Variants in C12orf75 observed in about 807,000 individuals in gnomAD.
C12orf75 encodes the protein overexpressed in colon carcinoma 1 protein.
In C12orf75, 4 loss-of-function variants were observed where a neutral mutation model predicts 11.4. The ratio of observed to expected loss-of-function variants is 0.35; its 90% CI spans 0.17 to 0.80. The LOEUF (loss-of-function observed/expected upper bound fraction) is 0.80, where lower values mean the gene tolerates loss of function less well. Among genes scored for constraint, C12orf75 ranks in the 30% least tolerant of loss-of-function variants. The pLI is 0.52. For synonymous variants in C12orf75, 30 were observed against 30.0 expected, an observed-to-expected ratio of 1.00 and a Z score of 0.00; for missense variants, 89 against 80.4, an observed-to-expected ratio of 1.11 and a Z score of -0.41.
In C12orf75 at chr12:105,330,697, C is replaced by T. The variant is rs139854423; in HGVS notation, c.-195C>T. On this transcript the variant is annotated 5_prime_UTR_variant, in exon 1 of 6. Transcript: ENST00000443585. Reference sequence around the variant, plus strand: ...GGGGCGAGGGGTGCCGGGTGGTTTCCGCCCGGCAGCCCGCAGCCCGCTGCG... The same window carrying T: ...GGGGCGAGGGGTGCCGGGTGGTTTCTGCCCGGCAGCCCGCAGCCCGCTGCG... 0.044 allele frequency: 16,848 copies of T among 380,580 alleles called. 487 individuals are homozygous for T. Among genetic ancestry groups the T allele is most frequent in the Non-Finnish European group, 0.056 (13,906 of 247,278 alleles). The allele number at this position is 380,580 out of a possible 1,614,324, so 23.6% of individuals were successfully genotyped here. A position where few individuals can be genotyped will look rare whatever the true frequency, so the allele number is the denominator to read the frequency against.
At chr12:105,347,374 G>GTCC (rs1892652963) in intron 1 of C12orf75, among the ~76,000 whole-genome samples, 2 of 152,250 alleles carry the variant, frequency 1.3e-5, no homozygotes, top group African/African-American at 2.4e-5. Flanking sequence ...AAGGAAGCCA[G>GTCC]TCCGAGTCCC....
intron 1 of C12orf75, among the ~76,000 whole-genome samples, chr12:105,346,347 A>G (rs1416603289): frequency 6.6e-6 from 1 of 152,188 alleles, no homozygotes; most frequent in Non-Finnish European, 1.5e-5. Flanking sequence ...ATAAACTTCT[A>G]AATTGATTGA....
intron 1 of C12orf75, among the ~76,000 whole-genome samples, chr12:105,334,844 A>G (rs1304368562): frequency 6.6e-6 from 1 of 152,242 alleles, no homozygotes; most frequent in East Asian, 1.9e-4. Context: ...ATATAGTCAC[A>G]TTCATATAGA....
At chr12:105,336,818 A>G (rs1892504946) in intron 1 of C12orf75, among the ~76,000 whole-genome samples, 1 of 152,206 alleles carries the variant, frequency 6.6e-6, no homozygotes, top group Admixed American at 6.5e-5. Flanking sequence ...GGTGATCAAC[A>G]TACTCGACTG....
chr12:105,365,842 G>A lies in C12orf75; in HGVS notation c.107G>A (p.Arg36Lys), dbSNP rs756358893. ...TCCGTAACAGAAGATGACAAGAGGA[G>A]GTATGTTTGGTATTGCAGCTGGCTT... ...EESVTEDDKR[R>K]NYGGVYVGLP... The change falls in exon 3 of 6, where the codon AGA becomes AAA. Residue 36 changes from arginine to lysine, a missense_variant and splice_region_variant. Transcript: ENST00000443585. 7.3e-5 allele frequency: 113 copies of A among 1,545,044 alleles called. No individual in the cohort carries two copies. Among genetic ancestry groups the A allele is most frequent in the Non-Finnish European group, 9.6e-5 (109 of 1,141,102 alleles).
intron 1 of C12orf75, among the ~76,000 whole-genome samples, chr12:105,345,018 G>A (rs1892620840): frequency 6.8e-6 from 1 of 146,558 alleles, no homozygotes; most frequent in Non-Finnish European, 1.5e-5. Context: ...TAATTCCTAA[G>A]TTAACCTGCA....
At chr12:105,357,223 A>G (rs1056966851) in intron 2 of C12orf75, among the ~76,000 whole-genome samples, 7 of 152,266 alleles carry the variant, frequency 4.6e-5, no homozygotes, top group Admixed American at 1.3e-4. Context: ...TGAGAAGGGT[A>G]AGAAGAGCAC....
At chr12:105,337,729 T>C (rs147664331) in intron 1 of C12orf75, among the ~76,000 whole-genome samples, 2 of 152,356 alleles carry the variant, frequency 1.3e-5, no homozygotes, top group Non-Finnish European at 2.9e-5. Flanking sequence ...GTTACGTGAC[T>C]CTAGTGCAGT....
rs547301971 is a variant in C12orf75 at position 105,340,356 on chromosome 12, C to T, written c.47-8246C>T. ...AGGAGAATCGCTTCGACCTGGGAGG[C>T]GGAGGTTGCAGTGAGCCGAGATCGT... On this transcript the variant is annotated intron_variant, in intron 1 of 5. Coordinates refer to ENST00000443585, the MANE Select transcript of C12orf75 (RefSeq NM_001145199.2). 6.9e-5 allele frequency among the ~76,000 whole-genome samples: 10 copies of T among 144,712 alleles called. No individual in the cohort carries two copies. The South Asian group carries it at 8.8e-4, about 13-fold the overall frequency. 94.9% of individuals were successfully genotyped at this position (144,712 alleles called of 152,430 possible). A position where few individuals can be genotyped will look rare whatever the true frequency, so the allele number is the denominator to read the frequency against.
At chr12:105,353,661 A>G (rs1892741857) in intron 2 of C12orf75, 1 of 152,176 alleles carries the variant, frequency 6.6e-6, no homozygotes, top group Non-Finnish European at 1.5e-5. Context: ...CGTGTTCTTA[A>G]AGAAGTCTTG....
chr12:105,364,551 T>C (rs1871408154), intron 2 of C12orf75, among the ~76,000 whole-genome samples: 1 of 152,210 alleles, frequency 6.6e-6, no homozygotes, highest in African/African-American at 2.4e-5. Flanking sequence ...CTCATGCACA[T>C]ATACAGTCAC....
At chr12:105,338,458 G>A (rs900676910) in intron 1 of C12orf75, among the ~76,000 whole-genome samples, 6 of 152,196 alleles carry the variant, frequency 3.9e-5, no homozygotes, top group African/African-American at 1.2e-4. Context: ...ACAGGTGTGA[G>A]CCACTGCGCC....
intron 1 of C12orf75, among the ~76,000 whole-genome samples, chr12:105,332,735 TAAA>T (rs34772007): frequency 1.4e-4 from 20 of 138,900 alleles, no homozygotes; most frequent in Admixed American, 2.9e-4. Context: ...CCGCTCCATC[TAAA>T]AAAAAAAAAA....
intron 1 of C12orf75, among the ~76,000 whole-genome samples, chr12:105,344,068 A>C (rs999523570): frequency 2.6e-5 from 4 of 152,146 alleles, no homozygotes; most frequent in African/African-American, 9.7e-5. Flanking sequence ...CCCAGCAGGG[A>C]GGAGGCCCTT....
intron 2 of C12orf75, among the ~76,000 whole-genome samples, chr12:105,360,494 T>A (rs1009681896): frequency 6.6e-6 from 1 of 152,164 alleles, no homozygotes; most frequent in Admixed American, 6.5e-5. Context: ...CTAATAGAAA[T>A]CTATGTGTGC....
intron 1 of C12orf75, 54 bp downstream of exon 1, chr12:105,330,991 A>C: frequency 9.2e-7 from 1 of 1,081,522 alleles, no homozygotes; most frequent in Non-Finnish European, 1.2e-6. Flanking sequence ...AGGCGGCGGG[A>C]AGGAAGGGTG....
At chr12:105,354,120 AGTAGAAG>A (rs1333342314) in intron 2 of C12orf75, among the ~76,000 whole-genome samples, 1 of 152,176 alleles carries the variant, frequency 6.6e-6, no homozygotes. Flanking sequence ...TCATCCATGT[AGTAGAAG>A]GTAACGCTGT....
At chr12:105,345,496 TA>T (rs907836807) in intron 1 of C12orf75, among the ~76,000 whole-genome samples, 16 of 144,362 alleles carry the variant, frequency 1.1e-4, no homozygotes, top group South Asian at 2.2e-4. Flanking sequence ...AAAACAAATA[TA>T]AAAAAAAAAG....
intron 1 of C12orf75, among the ~76,000 whole-genome samples, chr12:105,331,147 G>T (rs1258216203): frequency 6.6e-6 from 1 of 151,984 alleles, no homozygotes; most frequent in South Asian, 2.1e-4. Flanking sequence ...GAGCCTGCGG[G>T]GCGTCTCTGC....
Sources: allele counts gnomAD v4.1 joint callset (sites outside exome capture counted in the v4.1 genomes callset), GRCh38; gene constraint gnomAD v4.1.1; transcripts MANE v1.5; gene names NCBI Gene and HGNC (gene_info 2026-07-23, HGNC 2026-07-21).